The following GABRG3 variants were observed in gnomAD, a reference collection of about 807,000 sequenced individuals.
GABRG3 encodes gamma-aminobutyric acid receptor subunit gamma-3.
GABRG3 carries 25 observed loss-of-function variants against 48.8 expected under a neutral mutation model. The ratio of observed to expected loss-of-function variants is 0.51; its 90% CI spans 0.37 to 0.72. The LOEUF is 0.72. Ranked by LOEUF, GABRG3 falls within the 30% of genes least tolerant of loss-of-function variation. GABRG3 has a pLI of 0.00. For missense variants in GABRG3, 394 were observed against 577.9 expected, an observed-to-expected ratio of 0.68 and a Z score of 3.26; for synonymous variants, 227 against 217.6, an observed-to-expected ratio of 1.04 and a Z score of -0.38.
At chr15:27,477,874 AC>A (rs1267662259) in intron 5 of GABRG3, among the ~76,000 whole-genome samples, 1 of 152,046 alleles carries the variant, frequency 6.6e-6, no homozygotes. Flanking sequence ...CCCCGTCTCT[AC>A]CCAAAATACA....
At chr15:27,358,302 C>T (rs1228174466) in intron 5 of GABRG3, among the ~76,000 whole-genome samples, 1 of 152,124 alleles carries the variant, frequency 6.6e-6, no homozygotes, top group African/African-American at 2.4e-5. Flanking sequence ...GAAGCTTTGT[C>T]CTTCAGCACC....
intron 3 of GABRG3, among the ~76,000 whole-genome samples, chr15:27,252,690 C>A (rs930306152): frequency 6.6e-6 from 1 of 152,090 alleles, no homozygotes; most frequent in African/African-American, 2.4e-5. Flanking sequence ...AGAGAGGGCA[C>A]CTCCCACCTG....
chr15:27,035,580 T>C (rs1896162676), intron 3 of GABRG3, among the ~76,000 whole-genome samples: 1 of 152,168 alleles, frequency 6.6e-6, no homozygotes, highest in Admixed American at 6.5e-5. Context: ...GGCTGTTGGG[T>C]TGGGCCCCCT....
At chr15:26,985,935 G>T (rs2140642224) in intron 2 of GABRG3, among the ~76,000 whole-genome samples, 1 of 152,274 alleles carries the variant, frequency 6.6e-6, no homozygotes, top group South Asian at 2.1e-4. Flanking sequence ...AAGGAAGTGG[G>T]AGTTGGAGGT....
intron 6 of GABRG3, among the ~76,000 whole-genome samples, chr15:27,496,274 C>CCT (rs77261384): frequency 0.081 from 12,258 of 152,206 alleles, 838 homozygotes; most frequent in East Asian, 0.36. Flanking sequence ...AGTGGGCAAG[C>CCT]CTAGCTTCCT....
intron 3 of GABRG3, among the ~76,000 whole-genome samples, chr15:27,234,628 T>C (rs1051522987): frequency 3.9e-5 from 6 of 152,186 alleles, no homozygotes; most frequent in African/African-American, 1.4e-4. Flanking sequence ...TCCTGGGTAC[T>C]GGTGCTGGAC....
chr15:27,289,070 C>A (rs1891713160), intron 3 of GABRG3, among the ~76,000 whole-genome samples: 1 of 152,064 alleles, frequency 6.6e-6, no homozygotes, highest in Admixed American at 6.6e-5. Flanking sequence ...TATATAATGT[C>A]TTTTATTTGT....
intron 3 of GABRG3, among the ~76,000 whole-genome samples, chr15:27,251,288 T>C (rs1245683797): frequency 6.6e-6 from 1 of 152,118 alleles, no homozygotes; most frequent in East Asian, 1.9e-4. Flanking sequence ...TTCCAGATCC[T>C]TCCTTCACAA....
At chr15:27,068,111 C>T (rs1896769188) in intron 3 of GABRG3, among the ~76,000 whole-genome samples, 1 of 152,196 alleles carries the variant, frequency 6.6e-6, no homozygotes, top group Admixed American at 6.5e-5. Context: ...GAGCTGCACC[C>T]ATGAAACCTG....
chr15:27,054,546 TG>T (rs1270151902), intron 3 of GABRG3, among the ~76,000 whole-genome samples: 1 of 152,228 alleles, frequency 6.6e-6, no homozygotes, highest in Non-Finnish European at 1.5e-5. Context: ...TTCCCAAGGC[TG>T]TAAGACTTGA....
chr15:27,530,635 T>G lies in GABRG3; in HGVS notation c.1123-1965T>G, dbSNP rs893768216. Reference sequence around the variant, plus strand: ...CCAGAAGCCATCCTGCTGCCCTGCCTGTGGCCTCCAAGGGTTGCCCTTTAG... The same window carrying G: ...CCAGAAGCCATCCTGCTGCCCTGCCGGTGGCCTCCAAGGGTTGCCCTTTAG... On this transcript the variant is annotated intron_variant, in intron 9 of 9. Transcript: ENST00000615808. 1.7e-5 allele frequency: 8 copies of G among 471,042 alleles called. 1 individual carries two copies. The highest frequency in any genetic ancestry group is 1.4e-4 in the African/African-American group (7 of 50,074). 29.2% of individuals were successfully genotyped at this position (471,042 alleles called of 1,614,324 possible).
At chr15:27,163,919 T>C (rs1887288708) in intron 3 of GABRG3, among the ~76,000 whole-genome samples, 1 of 152,140 alleles carries the variant, frequency 6.6e-6, no homozygotes, top group African/African-American at 2.4e-5. Context: ...TGTGAGAGCC[T>C]GTGAGGGGTG....
intron 6 of GABRG3, among the ~76,000 whole-genome samples, chr15:27,513,345 G>C (rs1227629299): frequency 6.6e-6 from 1 of 151,994 alleles, no homozygotes; most frequent in Non-Finnish European, 1.5e-5. Context: ...AGCTACTCGG[G>C]AGGCTGAGGC....
At chr15:27,065,134 A>G (rs1005919932) in intron 3 of GABRG3, among the ~76,000 whole-genome samples, 22 of 152,126 alleles carry the variant, frequency 1.4e-4, no homozygotes, top group African/African-American at 5.3e-4. Flanking sequence ...GCCACTCTCA[A>G]TGGGGACACT....
At chr15:27,525,075 C>T (rs1337408228) in intron 7 of GABRG3, among the ~76,000 whole-genome samples, 4 of 151,470 alleles carry the variant, frequency 2.6e-5, no homozygotes, top group East Asian at 1.9e-4. Flanking sequence ...GAAAGGCTAA[C>T]GAAACTATGG....
At chr15:27,099,217 T>G (rs1595524227) in intron 3 of GABRG3, among the ~76,000 whole-genome samples, 1 of 152,204 alleles carries the variant, frequency 6.6e-6, no homozygotes, top group Admixed American at 6.5e-5. Flanking sequence ...TTTTCTACAC[T>G]TCACTCAAAG....
chr15:27,527,612 A>G lies in GABRG3; in HGVS notation c.1045A>G (p.Thr349Ala), dbSNP rs1480634082. Residue 349 changes from threonine (T) to alanine (A), a missense_variant, in exon 8 of 10, where the codon ACG becomes GCG. By Grantham distance (58) the Thr-to-Ala change is moderately conservative (BLOSUM62 0). Coordinates refer to ENST00000615808, the MANE Select transcript of GABRG3 (RefSeq NM_033223.5). ...YYSSCRKPTT[T>A]KKTTSLLHPD... Reference sequence around the variant, plus strand: ...TTCCAGCTGTAGAAAACCAACCACCACGAAGAAGACAACATCGGTGAGCTG... The same window carrying G: ...TTCCAGCTGTAGAAAACCAACCACCGCGAAGAAGACAACATCGGTGAGCTG... 1.9e-6 allele frequency: 3 copies of G among 1,610,796 alleles called. No individual in the cohort carries two copies. Among genetic ancestry groups the G allele is most frequent in the East Asian group, 2.2e-5 (1 of 44,800 alleles).
intron 3 of GABRG3, among the ~76,000 whole-genome samples, chr15:27,041,988 C>T (rs917055432): frequency 3.3e-5 from 5 of 152,160 alleles, no homozygotes; most frequent in African/African-American, 9.7e-5. Flanking sequence ...TCCTGTTCTA[C>T]GTGCAATGCA....
At chr15:27,478,423 T>C (rs536565578) in intron 5 of GABRG3, among the ~76,000 whole-genome samples, 3 of 152,308 alleles carry the variant, frequency 2.0e-5, no homozygotes, top group Non-Finnish European at 2.9e-5. Context: ...TTATCAGTCA[T>C]TGGAGAAATA....
Sources: allele counts gnomAD v4.1 joint callset (sites outside exome capture counted in the v4.1 genomes callset), GRCh38; gene constraint gnomAD v4.1.1; transcripts MANE v1.5; gene names NCBI Gene and HGNC (gene_info 2026-07-23, HGNC 2026-07-21).